The following COL23A1 variants were observed in gnomAD, a reference collection of about 807,000 sequenced individuals.
COL23A1 encodes the protein collagen alpha-1(XXIII) chain.
In COL23A1, 97 loss-of-function variants were observed where a neutral mutation model predicts 99.3. That is an observed-to-expected ratio of 0.98 (90% CI 0.83 to 1.16). The LOEUF is 1.16. COL23A1 is among the 50% of genes most tolerant of loss of function. The probability of loss-of-function intolerance (pLI) is 0.00; values close to 1 mark genes in which losing one functional copy is unlikely to be tolerated. For synonymous variants in COL23A1, 320 were observed against 308.2 expected (o/e 1.04, Z -0.40); for missense variants, 762 against 757.4 (o/e 1.01, Z -0.07).
intron 2 of COL23A1, among the ~76,000 whole-genome samples, chr5:178,533,065 G>C (rs1760737474): frequency 6.6e-6 from 1 of 152,134 alleles, no homozygotes; most frequent in Non-Finnish European, 1.5e-5. Context: ...CACTTTCCCT[G>C]TCTGTAAGAT....
At chr5:178,273,586 A>C (rs1440744121) in intron 5 of COL23A1, among the ~76,000 whole-genome samples, 1 of 152,206 alleles carries the variant, frequency 6.6e-6, no homozygotes, top group African/African-American at 2.4e-5. Context: ...AAGGGAAGTC[A>C]AGTCCAATTC....
At chr5:178,570,289 T>G (rs1254957311) in intron 1 of COL23A1, among the ~76,000 whole-genome samples, 1 of 151,920 alleles carries the variant, frequency 6.6e-6, no homozygotes, top group Non-Finnish European at 1.5e-5. Context: ...TTCTATCTTT[T>G]GTAGAGACTG....
intron 2 of COL23A1, among the ~76,000 whole-genome samples, chr5:178,392,297 C>T (rs573620243): frequency 7.2e-5 from 11 of 152,218 alleles, no homozygotes; most frequent in African/African-American, 1.9e-4. Context: ...TGAGCCCGCA[C>T]GGACGCAGCA....
At chr5:178,404,624 G>C (rs972516017) in intron 2 of COL23A1, among the ~76,000 whole-genome samples, 1 of 121,434 alleles carries the variant, frequency 8.2e-6, no homozygotes, top group East Asian at 3.8e-4. Context: ...GCACATAGTG[G>C]CCACTCAATA....
chr5:178,311,732 TG>T lies in COL23A1; in HGVS notation c.362-4814del, dbSNP rs756564629. ...TGTGTAACTGTTTTTTGTTTTGTTT[TG>T]TTTTGTTTTTTTTTTGAGACGGAGT... On this transcript the variant is annotated intron_variant, in intron 2 of 28. Coordinates refer to ENST00000390654, the MANE Select transcript of COL23A1 (RefSeq NM_173465.4). Among the ~76,000 whole-genome samples the T allele has an allele frequency of 8.1e-4, 13 of 15,972 alleles. 3 individuals carry two copies. The highest frequency in any genetic ancestry group is 7.6e-4 in the Non-Finnish European group (3 of 3,946). The allele number at this position is 15,972 out of a possible 152,430, so 10.5% of individuals were successfully genotyped here.
chr5:178,569,789 C>T (rs1173798656), intron 1 of COL23A1, among the ~76,000 whole-genome samples: 3 of 152,158 alleles, frequency 2.0e-5, no homozygotes, highest in African/African-American at 7.2e-5. Context: ...TGGGTACTCT[C>T]AGTTCCCAGA....
chr5:178,254,888 T>C (rs1765222067), intron 16 of COL23A1, 61 bp downstream of exon 16: 2 of 1,414,110 alleles, frequency 1.4e-6, no homozygotes, highest in Non-Finnish European at 2.0e-6. Flanking sequence ...ACAAAGGGAG[T>C]GATTATTCCC....
intron 2 of COL23A1, among the ~76,000 whole-genome samples, chr5:178,426,545 T>C (rs1765948464): frequency 6.6e-6 from 1 of 152,234 alleles, no homozygotes. Flanking sequence ...GATCCTGCTC[T>C]GGCTGTGGTC....
At chr5:178,576,469 G>A (rs1157665988) in intron 1 of COL23A1, among the ~76,000 whole-genome samples, 1 of 152,146 alleles carries the variant, frequency 6.6e-6, no homozygotes, top group Admixed American at 6.5e-5. Flanking sequence ...TCCTGACCTC[G>A]TGATCCACCC....
chr5:178,540,387 C>T (rs1005586669), intron 2 of COL23A1, among the ~76,000 whole-genome samples: 1 of 152,034 alleles, frequency 6.6e-6, no homozygotes, highest in Non-Finnish European at 1.5e-5. Flanking sequence ...TTAATATTCA[C>T]ACAACATTTA....
At chr5:178,356,330 A>G (rs1171898772) in intron 2 of COL23A1, among the ~76,000 whole-genome samples, 1 of 152,226 alleles carries the variant, frequency 6.6e-6, no homozygotes, top group Non-Finnish European at 1.5e-5. Context: ...GTGCACTTTA[A>G]ACAGCTGGAG....
rs1413352178 is a variant in COL23A1, at chr5:178,313,548, G to A, written c.362-6629C>T. Among the ~76,000 whole-genome samples the A allele has an allele frequency of 6.6e-6, 1 of 152,188 alleles. No homozygotes were observed. Among genetic ancestry groups the A allele is most frequent in the Non-Finnish European group, 1.5e-5 (1 of 68,030 alleles). On this transcript the variant is annotated intron_variant, in intron 2 of 28. Transcript: ENST00000390654. The surrounding 1 kb of genome is among the most constrained non-coding windows in gnomAD (Gnocchi z 4.2). Reference sequence around the variant, plus strand: ...GATGGCATCCCCAAGGTCACACAGTGGAGAAATGGCGGAACTGGAACTGGA... The same window carrying A: ...GATGGCATCCCCAAGGTCACACAGTAGAGAAATGGCGGAACTGGAACTGGA...
At chr5:178,363,469 G>A (rs1368647062) in intron 2 of COL23A1, among the ~76,000 whole-genome samples, 1 of 152,072 alleles carries the variant, frequency 6.6e-6, no homozygotes, top group African/African-American at 2.4e-5. Context: ...GTCCTACTAC[G>A]GGTCAGTCAT....
intron 2 of COL23A1, among the ~76,000 whole-genome samples, chr5:178,522,876 T>C (rs1049581441): frequency 7.2e-5 from 11 of 152,076 alleles, no homozygotes; most frequent in African/African-American, 2.7e-4. Context: ...TCCACCTTGA[T>C]GCTATGGACC....
intron 2 of COL23A1, among the ~76,000 whole-genome samples, chr5:178,332,475 T>A (rs991538448): frequency 2.0e-5 from 3 of 152,134 alleles, no homozygotes; most frequent in Non-Finnish European, 4.4e-5. Context: ...GACCCCTGAA[T>A]AACCTCCCAC....
At position 178,523,177 on chromosome 5, in the gene COL23A1, T is replaced by TATAC. The variant is rs1348442017; in HGVS notation, c.361+37504_361+37505insGTAT. 6.9e-3 allele frequency among the ~76,000 whole-genome samples: 540 copies of TATAC among 77,886 alleles called. 5 individuals are homozygous for TATAC. Among genetic ancestry groups the TATAC allele is most frequent in the African/African-American group, 0.012 (265 of 22,708 alleles). 51.1% of individuals were successfully genotyped at this position (77,886 alleles called of 152,430 possible). A position where few individuals can be genotyped will look rare whatever the true frequency, so the allele number is the denominator to read the frequency against. ...ATATATATATACATATATATATATA[T>TATAC]ACACATATATATATATATATATATA... On this transcript the variant is annotated intron_variant, in intron 2 of 28. Transcript: ENST00000390654.
chr5:178,272,737 C>T (rs1756361560), intron 5 of COL23A1, among the ~76,000 whole-genome samples: 1 of 152,128 alleles, frequency 6.6e-6, no homozygotes, highest in Admixed American at 6.5e-5. Context: ...TTGGCCCTGC[C>T]CCTTGTCCCC....
rs73807628 is a variant in COL23A1, at chr5:178,346,882, G to A, written c.362-39963C>T. On this transcript the variant is annotated intron_variant, in intron 2 of 28. Transcript: ENST00000390654. ...CACACTGGGCTGATAAAGCTCCAGC[G>A]GAAATCCCAGCGACCCAGCCTTGGG... Among the ~76,000 whole-genome samples the A allele has an allele frequency of 3.6e-3, 554 of 152,300 alleles. 6 individuals carry two copies. Among genetic ancestry groups the A allele is most frequent in the African/African-American group, 0.013 (528 of 41,562 alleles).
chr5:178,343,581 G>A (rs1469237959), intron 2 of COL23A1, among the ~76,000 whole-genome samples: 1 of 151,990 alleles, frequency 6.6e-6, no homozygotes, highest in Admixed American at 6.6e-5. Flanking sequence ...ATTTCTTGAA[G>A]CTGGATGTGG....
Sources: allele counts gnomAD v4.1 joint callset (sites outside exome capture counted in the v4.1 genomes callset), GRCh38; gene constraint gnomAD v4.1.1; non-coding constraint Gnocchi (gnomAD v3.1); transcripts MANE v1.5; gene names NCBI Gene and HGNC (gene_info 2026-07-23, HGNC 2026-07-21).